The following TFDP1 variants were observed in gnomAD, a reference collection of about 807,000 sequenced individuals.
The protein encoded by TFDP1 is DRTF1-polypeptide 1.
A neutral mutation model predicts 48.0 loss-of-function variants in TFDP1; 6 were observed. The observed-to-expected ratio is 0.13, with a 90% CI of 0.07 to 0.25. TFDP1 has a LOEUF of 0.25. Among genes scored for constraint, TFDP1 ranks in the 10% least tolerant of loss-of-function variants. The pLI is 1.00. For synonymous variants in TFDP1, 201 were observed against 211.6 expected (o/e 0.95, Z 0.44); for missense variants, 335 against 543.0 (o/e 0.62, Z 3.81).
At chr13:113,611,124 A>C in intron 3 of TFDP1, 62 bp downstream of exon 3, 1 of 1,449,484 alleles carries the variant, frequency 6.9e-7, no homozygotes, top group Non-Finnish European at 9.7e-7. Context: ...TCACATGTTT[A>C]TGAAGCTGTT....
intron 2 of TFDP1, among the ~76,000 whole-genome samples, chr13:113,587,025 G>T (rs974139837): frequency 1.3e-5 from 2 of 152,234 alleles, no homozygotes; most frequent in Non-Finnish European, 2.9e-5. Context: ...TGGACCCAGG[G>T]CCTCGGTTAG....
intron 2 of TFDP1, among the ~76,000 whole-genome samples, chr13:113,599,795 C>CGAGAGAGAACCCAGGACCGT (rs1034409528): frequency 6.3e-5 from 9 of 143,200 alleles, no homozygotes; most frequent in Non-Finnish European, 9.2e-5. Flanking sequence ...TCCAGGACTA[C>CGAGAGAGAACCCAGGACCGT]GAGAGAGAAC....
At chr13:113,605,829 G>A (rs2048550052) in intron 2 of TFDP1, among the ~76,000 whole-genome samples, 1 of 151,936 alleles carries the variant, frequency 6.6e-6, no homozygotes, top group Admixed American at 6.6e-5. Flanking sequence ...GGGATCCTGT[G>A]GGAAAGCAGC....
intron 5 of TFDP1, 66 bp downstream of exon 5, chr13:113,631,810 C>G (rs1566673427): frequency 6.3e-7 from 1 of 1,592,706 alleles, no homozygotes; most frequent in African/African-American, 1.3e-5. Flanking sequence ...CCACGTTCTC[C>G]TGGGCCACGT....
At position 113,607,486 on chromosome 13, in the gene TFDP1, G is replaced by A. The variant is rs573073574; in HGVS notation, c.13-3510G>A. 2.4e-4 allele frequency among the ~76,000 whole-genome samples: 37 copies of A among 152,364 alleles called. No individual in the cohort carries two copies. The highest frequency in any genetic ancestry group is 9.8e-4 in the Admixed American group (15 of 15,300). Reference sequence around the variant, plus strand: ...GGCAGACACAGTTGGAACCACAGACGATGCCACGCTTGTGTCAGCAGTGCG... The same window carrying A: ...GGCAGACACAGTTGGAACCACAGACAATGCCACGCTTGTGTCAGCAGTGCG... On this transcript the variant is annotated intron_variant, in intron 2 of 11. Coordinates refer to ENST00000375370, the MANE Select transcript of TFDP1 (RefSeq NM_007111.5). This position sits in a 1 kb window ranked among gnomAD's most constrained non-coding sequence, Gnocchi z 5.2.
rs1049258667 is a variant in TFDP1 at position 113,640,981 on chromosome 13, T to A, written c.*714T>A. The A allele has an allele frequency of 2.0e-5, 3 of 152,684 alleles. No individual in the cohort carries two copies. Among genetic ancestry groups the A allele is most frequent in the African/African-American group, 7.2e-5 (3 of 41,444 alleles). The allele number at this position is 152,684 out of a possible 1,614,324, so 9.5% of individuals were successfully genotyped here. On this transcript the variant is annotated 3_prime_UTR_variant, in exon 12 of 12. Coordinates refer to ENST00000375370, the MANE Select transcript of TFDP1 (RefSeq NM_007111.5). ...CATGCTGGTGCGGCTATGGAGACTG[T>A]CTGGAAGGCTTGGAATGGTTTATTG...
At chr13:113,636,743 GGCCCCCA>G (rs777032232) in intron 10 of TFDP1, 43 bp downstream of exon 10, 266 of 1,592,096 alleles carry the variant, frequency 1.7e-4, no homozygotes, top group Non-Finnish European at 2.2e-4. Context: ...TGTGAGGAAT[GGCCCCCA>G]GCCTCCGACG....
At chr13:113,609,175 C>A (rs1018749803) in intron 2 of TFDP1, among the ~76,000 whole-genome samples, 1 of 152,234 alleles carries the variant, frequency 6.6e-6, no homozygotes, top group Non-Finnish European at 1.5e-5. Context: ...GGTTCTTGCT[C>A]CACGGCTCTT....
At chr13:113,585,878 G>A (rs750991366) in intron 2 of TFDP1, 29 bp downstream of exon 2, 5 of 1,595,646 alleles carry the variant, frequency 3.1e-6, no homozygotes, top group Non-Finnish European at 4.3e-6. Flanking sequence ...TGCTGCACAC[G>A]AATGTTTGCC....
chr13:113,614,916 C>G (rs531713902), intron 3 of TFDP1, among the ~76,000 whole-genome samples: 3 of 152,288 alleles, frequency 2.0e-5, no homozygotes, highest in East Asian at 1.9e-4. Context: ...CCACCTGCAT[C>G]GAGCACAGTC....
At chr13:113,619,466 ATC>A (rs1214696223) in intron 3 of TFDP1, among the ~76,000 whole-genome samples, 1 of 145,106 alleles carries the variant, frequency 6.9e-6, no homozygotes, top group Non-Finnish European at 1.5e-5. Context: ...GTGAGACTCC[ATC>A]TCAAAAAAAA....
chr13:113,626,640 C>T (rs917187273), intron 4 of TFDP1, among the ~76,000 whole-genome samples: 10 of 152,176 alleles, frequency 6.6e-5, no homozygotes, highest in Non-Finnish European at 2.9e-5. Context: ...AAAACTTGCT[C>T]TGCAGAAGTT....
Position 113,633,778 on chromosome 13 carries a change from G to A in TFDP1, c.475-112G>A. ...GAGCGCTCCCTGAGGGCATGTTGGG[G>A]TGGCGGCTCCGTGAGCGGGGTGCCC... On this transcript the variant is annotated intron_variant, in intron 6 of 11. Coordinates refer to ENST00000375370, the MANE Select transcript of TFDP1 (RefSeq NM_007111.5). The surrounding 1 kb of genome is among the most constrained non-coding windows in gnomAD (Gnocchi z 4.5). The A allele has an allele frequency of 7.6e-7, 1 of 1,322,364 alleles. No individual in the cohort carries two copies. The highest frequency in any genetic ancestry group is 1.0e-6 in the Non-Finnish European group (1 of 960,276). The allele number at this position is 1,322,364 out of a possible 1,614,324, so 81.9% of individuals were successfully genotyped here.
At chr13:113,632,360 C>T (rs138566572) in intron 5 of TFDP1, among the ~76,000 whole-genome samples, 158 of 152,384 alleles carry the variant, frequency 1.0e-3, no homozygotes, top group Admixed American at 1.9e-3. Flanking sequence ...CGACCTGAAG[C>T]ACACTTAGTG....
chr13:113,603,794 T>C (rs759108359), intron 2 of TFDP1, among the ~76,000 whole-genome samples: 1 of 152,220 alleles, frequency 6.6e-6, no homozygotes, highest in South Asian at 2.1e-4. Flanking sequence ...GTTTAGCACC[T>C]TGAGGTGTCC....
At position 113,633,816 on chromosome 13, in the gene TFDP1, G is replaced by T. The variant is rs2049401316; in HGVS notation, c.475-74G>T. On this transcript the variant is annotated intron_variant, in intron 6 of 11. Coordinates refer to ENST00000375370, the MANE Select transcript of TFDP1 (RefSeq NM_007111.5). This position sits in a 1 kb window ranked among gnomAD's most constrained non-coding sequence, Gnocchi z 4.5. ...GAGCGGGGTGCCCCTTTGAGCCAGT[G>T]CCCATGGTCTACAGTTTAAGGATCC... The T allele has an allele frequency of 3.3e-6, 5 of 1,533,136 alleles. No homozygotes were observed. The highest frequency in any genetic ancestry group is 1.8e-6 in the Non-Finnish European group (2 of 1,137,330). The allele number at this position is 1,533,136 out of a possible 1,614,324, so 95.0% of individuals were successfully genotyped here. A position where few individuals can be genotyped will look rare whatever the true frequency, so the allele number is the denominator to read the frequency against.
intron 2 of TFDP1, among the ~76,000 whole-genome samples, chr13:113,608,207 C>A (rs2048616991): frequency 6.6e-6 from 1 of 152,200 alleles, no homozygotes; most frequent in African/African-American, 2.4e-5. Flanking sequence ...TCAGGCTGCC[C>A]CCGCCAACAG....
intron 3 of TFDP1, among the ~76,000 whole-genome samples, chr13:113,618,168 G>C (rs2048908701): frequency 1.3e-5 from 2 of 152,190 alleles, no homozygotes; most frequent in South Asian, 2.1e-4. Context: ...CATAGATTGT[G>C]TGGCAGTCTT....
chr13:113,631,829 C>T lies in TFDP1; in HGVS notation c.308+85C>T, dbSNP rs7333207. The stretch of plus-strand genomic sequence containing the variant: ...GTTCTCCTGGGCCACGTGTGTCACA[C>T]AGTCGTGCGATGGGGCTCCCACGCG... On this transcript the variant is annotated intron_variant, in intron 5 of 11. Transcript: ENST00000375370. 8.8e-4 allele frequency: 1,364 copies of T among 1,557,778 alleles called. 17 individuals carry two copies. The African/African-American group carries it at 0.017, about 19-fold the overall frequency.
Sources: allele counts gnomAD v4.1 joint callset (sites outside exome capture counted in the v4.1 genomes callset), GRCh38; gene constraint gnomAD v4.1.1; non-coding constraint Gnocchi (gnomAD v3.1); transcripts MANE v1.5; gene names NCBI Gene and HGNC (gene_info 2026-07-23, HGNC 2026-07-21).